Variants in CPA6 observed in about 807,000 individuals in gnomAD.
CPA6 encodes the protein carboxypeptidase B.
A neutral mutation model predicts 63.3 loss-of-function variants in CPA6; 58 were observed. The ratio of observed to expected loss-of-function variants is 0.92; its 90% confidence interval spans 0.74 to 1.14. The LOEUF is 1.14. Ranked by LOEUF, CPA6 falls within the 50% of genes most tolerant of loss-of-function variation. The probability of loss-of-function intolerance (pLI) is 0.00; values close to 1 mark genes in which losing one functional copy is unlikely to be tolerated. For missense variants in CPA6, 565 were observed against 526.6 expected, an observed-to-expected ratio of 1.07 and a Z score of -0.71; for synonymous variants, 185 against 179.0, an observed-to-expected ratio of 1.03 and a Z score of -0.27.
intron 1 of CPA6, among the ~76,000 whole-genome samples, chr8:67,645,402 A>G (rs1417335139): frequency 6.6e-6 from 1 of 152,244 alleles, no homozygotes; most frequent in Non-Finnish European, 1.5e-5. Flanking sequence ...AGATCACGGC[A>G]TGAATTTCAT....
intron 8 of CPA6, among the ~76,000 whole-genome samples, chr8:67,453,782 A>C (rs1223473436): frequency 6.6e-6 from 1 of 152,214 alleles, no homozygotes; most frequent in African/African-American, 2.4e-5. Context: ...AGTATCCTGC[A>C]TTAAAATTGT....
chr8:67,515,529 T>C (rs1433312097), intron 3 of CPA6, among the ~76,000 whole-genome samples: 1 of 152,198 alleles, frequency 6.6e-6, no homozygotes, highest in Non-Finnish European at 1.5e-5. Context: ...GGGAGGAAGG[T>C]CAGCGTATTC....
intron 1 of CPA6, among the ~76,000 whole-genome samples, chr8:67,670,234 T>C (rs1191026066): frequency 6.6e-6 from 1 of 152,180 alleles, no homozygotes. Context: ...GGAAACATAA[T>C]GGCTTCTGGG....
At chr8:67,716,152 A>AC (rs1491365984) in intron 1 of CPA6, among the ~76,000 whole-genome samples, 1 of 25,078 alleles carries the variant, frequency 4.0e-5, no homozygotes, top group African/African-American at 6.3e-5. Flanking sequence ...AGCTTGTCTC[A>AC]AAAAAAAAAA....
chr8:67,455,452 C>G (rs1038284953), intron 8 of CPA6, among the ~76,000 whole-genome samples: 18 of 151,676 alleles, frequency 1.2e-4, no homozygotes, highest in Non-Finnish European at 2.5e-4. Context: ...TTACTTTACT[C>G]TAATATACTT....
chr8:67,627,391 C>T (rs372334097), intron 1 of CPA6, among the ~76,000 whole-genome samples: 2 of 152,286 alleles, frequency 1.3e-5, no homozygotes, highest in African/African-American at 4.8e-5. Flanking sequence ...GCAAAACTAT[C>T]AGAGGAGGTG....
intron 8 of CPA6, among the ~76,000 whole-genome samples, chr8:67,435,662 G>C (rs764907053): frequency 3.9e-5 from 6 of 151,954 alleles, no homozygotes; most frequent in Non-Finnish European, 8.8e-5. Flanking sequence ...GTGTCTGTCT[G>C]CCTGTCTCTC....
At chr8:67,475,636 C>T (rs569635819) in intron 8 of CPA6, among the ~76,000 whole-genome samples, 20 of 152,238 alleles carry the variant, frequency 1.3e-4, no homozygotes, top group African/African-American at 4.6e-4. Context: ...TCTCAGTTTG[C>T]AGGAAAAGGG....
At chr8:67,660,322 GTTTTTTTTT>G (rs869189030) in intron 1 of CPA6, among the ~76,000 whole-genome samples, 2 of 73,906 alleles carry the variant, frequency 2.7e-5, no homozygotes, top group African/African-American at 1.3e-4. Flanking sequence ...ATTATTGCAG[GTTTTTTTTT>G]TTTTTTTTTT....
At chr8:67,494,133 A>AT (rs1193336171) in intron 6 of CPA6, among the ~76,000 whole-genome samples, 1 of 152,028 alleles carries the variant, frequency 6.6e-6, no homozygotes, top group Admixed American at 6.6e-5. Flanking sequence ...AACATTTGGC[A>AT]TTTTTTCAGG....
intron 2 of CPA6, among the ~76,000 whole-genome samples, chr8:67,564,277 C>T (rs541376475): frequency 6.6e-6 from 1 of 152,172 alleles, no homozygotes; most frequent in Admixed American, 6.5e-5. Context: ...GTGGTAAAAC[C>T]CAGATTTTTC....
chr8:67,658,026 C>T (rs187082191), intron 1 of CPA6, among the ~76,000 whole-genome samples: 29 of 152,332 alleles, frequency 1.9e-4, no homozygotes, highest in African/African-American at 7.0e-4. Context: ...TTTTCAGCCA[C>T]ACTGGCGTCC....
At chr8:67,742,140 G>GTC (rs1817925156) in intron 1 of CPA6, among the ~76,000 whole-genome samples, 2 of 151,750 alleles carry the variant, frequency 1.3e-5, no homozygotes, top group Admixed American at 1.3e-4. Context: ...GTGTGTGTGT[G>GTC]TGTGCGCGTG....
At chr8:67,493,391 C>T (rs1811646064) in intron 6 of CPA6, among the ~76,000 whole-genome samples, 1 of 152,138 alleles carries the variant, frequency 6.6e-6, no homozygotes, top group Non-Finnish European at 1.5e-5. Flanking sequence ...GAAGAGCCTT[C>T]CCCTTCTGGA....
intron 6 of CPA6, among the ~76,000 whole-genome samples, chr8:67,505,098 C>T (rs1462896441): frequency 6.6e-6 from 1 of 152,176 alleles, no homozygotes; most frequent in Non-Finnish European, 1.5e-5. Context: ...TACAGTGCTG[C>T]TGTATATGGC....
intron 9 of CPA6, among the ~76,000 whole-genome samples, chr8:67,432,069 T>G (rs1810039166): frequency 6.6e-6 from 1 of 152,216 alleles, no homozygotes; most frequent in Non-Finnish European, 1.5e-5. Flanking sequence ...TCCTGGCATC[T>G]CCAGAGTGCT....
chr8:67,596,010 C>T (rs1814323420), intron 2 of CPA6, among the ~76,000 whole-genome samples: 1 of 152,230 alleles, frequency 6.6e-6, no homozygotes, highest in Non-Finnish European at 1.5e-5. Context: ...GGAGCTGTTC[C>T]TATTCGGCCA....
At chr8:67,621,525 C>T (rs1815082188) in intron 2 of CPA6, among the ~76,000 whole-genome samples, 1 of 152,248 alleles carries the variant, frequency 6.6e-6, no homozygotes, top group Admixed American at 6.5e-5. Flanking sequence ...TTGACACCGA[C>T]TAGATCCATG....
At chr8:67,492,840 T>C (rs1811636262) in intron 6 of CPA6, among the ~76,000 whole-genome samples, 1 of 151,964 alleles carries the variant, frequency 6.6e-6, no homozygotes, top group Non-Finnish European at 1.5e-5. Context: ...AAACAAATAT[T>C]GAATCAAAAC....
Sources: allele counts gnomAD v4.1 joint callset (sites outside exome capture counted in the v4.1 genomes callset), GRCh38; gene constraint gnomAD v4.1.1; transcripts MANE v1.5; gene names NCBI Gene and HGNC (gene_info 2026-07-23, HGNC 2026-07-21).